ARHGEF16: variants seen among roughly 807,000 people sequenced by gnomAD.
ARHGEF16 encodes Rho guanine exchange factor (GEF) 16.
Under a neutral mutation model 74.1 loss-of-function variants are expected in ARHGEF16, and 59 were observed. The ratio of observed to expected loss-of-function variants is 0.80; its 90% CI spans 0.65 to 0.99. The LOEUF is 0.99. Among genes scored for constraint, ARHGEF16 ranks in the 50% least tolerant of loss-of-function variants. ARHGEF16 has a pLI of 0.00. For missense variants in ARHGEF16, 948 were observed against 986.6 expected, an observed-to-expected ratio of 0.96 and a Z score of 0.52; for synonymous variants, 415 against 412.6, an observed-to-expected ratio of 1.01 and a Z score of -0.07.
chr1:3,473,200 T>C lies in ARHGEF16; in HGVS notation c.1145T>C (p.Val382Ala). 1 of 1,613,134 alleles carries C rather than the reference T, an allele frequency of 6.2e-7. No individual in the cohort carries two copies. Among genetic ancestry groups the C allele is most frequent in the Non-Finnish European group, 8.5e-7 (1 of 1,179,880 alleles). Residue 382 changes from valine to alanine, a missense_variant, in exon 7 of 15, where the codon GTC becomes GCC. Coordinates refer to ENST00000378378, the MANE Select transcript of ARHGEF16 (RefSeq NM_014448.4). ...TACATCGCCTACTGCTCCAACGAGG[T>C]CTACCAACAGCGCACGCTGCAGAAG... ...HPYIAYCSNE[V>A]YQQRTLQKLI... is the part of the protein sequence containing the mutation.
chr1:3,457,157 G>A (rs910858374), intron 1 of ARHGEF16, among the ~76,000 whole-genome samples: 3 of 152,258 alleles, frequency 2.0e-5, no homozygotes, highest in African/African-American at 7.2e-5. Context: ...GCTGATGTGT[G>A]CTGCATGATT....
At chr1:3,469,301 G>C (rs559980141) in intron 5 of ARHGEF16, 132 bp from the exon 6 acceptor site, 1 of 1,045,162 alleles carries the variant, frequency 9.6e-7, no homozygotes, top group East Asian at 2.6e-5. Context: ...GCCCCATCCA[G>C]GGGTGTGTCT....
At position 3,480,510 on chromosome 1, in the gene ARHGEF16, C is replaced by A. The variant is rs74614375; in HGVS notation, c.2053C>A (p.Arg685Ser). ...ETGWFPEDFARFITSRVAVEG... is the reference protein window; with the variant it reads ...ETGWFPEDFASFITSRVAVEG... ...GGGATGGTTCCCCGAGGACTTTGCC[C>A]GCTTCATCACCAGCCGTGTGGCCGT... Residue 685 changes from arginine to serine, a missense_variant, in exon 15 of 15, where the codon CGC (arginine) becomes AGC (serine). Coordinates refer to ENST00000378378, the MANE Select transcript of ARHGEF16 (RefSeq NM_014448.4). 9 of 1,612,532 alleles carry A rather than the reference C, an allele frequency of 5.6e-6. No homozygotes were observed. The highest frequency in any genetic ancestry group is 7.6e-6 in the Non-Finnish European group (9 of 1,179,966).
At chr1:3,464,961 C>T (rs1639501583) in intron 2 of ARHGEF16, among the ~76,000 whole-genome samples, 1 of 152,204 alleles carries the variant, frequency 6.6e-6, no homozygotes. Context: ...AGGTGGGGTC[C>T]CCCATGTCCC....
intron 10 of ARHGEF16, among the ~76,000 whole-genome samples, chr1:3,477,366 T>C: frequency 1.4e-3 from 1 of 706 alleles, no homozygotes; most frequent in Non-Finnish European, 2.5e-3. Flanking sequence ...TTGCCATCCT[T>C]CTGCCCCCCA....
intron 7 of ARHGEF16, 68 bp downstream of exon 7, chr1:3,473,298 C>T (rs1639789215): frequency 1.9e-6 from 3 of 1,585,860 alleles, no homozygotes; most frequent in African/African-American, 2.7e-5. Context: ...TCCCAAAGCA[C>T]ATTCCTGCTC....
At chr1:3,474,201 T>C in intron 8 of ARHGEF16, 1 of 199,110 alleles carries the variant, frequency 5.0e-6, no homozygotes, top group Non-Finnish European at 1.0e-5. Context: ...TGCACACACA[T>C]GCACCCGGTG....
chr1:3,469,385 G>C, intron 5 of ARHGEF16, 48 bp from the exon 6 acceptor site: 1 of 1,602,320 alleles, frequency 6.2e-7, no homozygotes, highest in African/African-American at 1.3e-5. Context: ...ACCGAGGCAC[G>C]CCCGTGTCCA....
intron 1 of ARHGEF16, among the ~76,000 whole-genome samples, chr1:3,462,183 G>T (rs541631743): frequency 4.1e-4 from 63 of 152,254 alleles, no homozygotes; most frequent in African/African-American, 1.5e-3. Context: ...GGGGGTGTAC[G>T]TGGGACTGTG....
intron 6 of ARHGEF16, chr1:3,471,628 C>T (rs1639725467): frequency 8.5e-7 from 1 of 1,177,822 alleles, no homozygotes; most frequent in Non-Finnish European, 1.1e-6. Flanking sequence ...AGCTCTGTGT[C>T]CTCCGGTCCC....
At chr1:3,471,668 C>T in intron 6 of ARHGEF16, 1 of 1,237,786 alleles carries the variant, frequency 8.1e-7, no homozygotes, top group Non-Finnish European at 1.0e-6. Flanking sequence ...ATGTTTGCCT[C>T]TGACCTCCTC....
chr1:3,475,959 A>C lies in ARHGEF16; in HGVS notation c.1381-11A>C. ...AGCACCAGCCTCTCACACGGGAACCATGCCCTGCAGCTGGTGAGGCAGTGC... is the reference window on the plus strand; with the variant it reads ...AGCACCAGCCTCTCACACGGGAACCCTGCCCTGCAGCTGGTGAGGCAGTGC... On this transcript the variant is annotated splice_polypyrimidine_tract_variant and intron_variant, in intron 9 of 14. Coordinates refer to ENST00000378378, the MANE Select transcript of ARHGEF16 (RefSeq NM_014448.4). 6.5e-7 allele frequency: 1 copy of C among 1,549,256 alleles called. No homozygotes were observed.
intron 6 of ARHGEF16, 199 bp from the exon 7 acceptor site, chr1:3,472,879 A>ACCCCCC: frequency 1.9e-5 from 2 of 106,818 alleles, no homozygotes; most frequent in South Asian, 8.2e-5. Flanking sequence ...ACCACTTCCC[A>ACCCCCC]CCCGCCCTCC....
Position 3,469,489 on chromosome 1 carries a change from G to A in ARHGEF16, c.918G>A (p.Leu306=). Residue 306 remains leucine (L), a synonymous_variant, in exon 6 of 15, where the codon CTG becomes CTA. Transcript: ENST00000378378. The part of the protein sequence containing the change: ...EFSYQHSLSI[L]VEEFLQSKEL... The stretch of plus-strand genomic sequence containing the variant: ...CCTACCAGCACAGCCTGAGCATCCT[G>A]GTGGAGGAGTTCCTGCAGTCCAAGG... 1 of 1,613,212 alleles carries A rather than the reference G, an allele frequency of 6.2e-7. No homozygotes were observed. The highest frequency in any genetic ancestry group is 1.1e-5 in the South Asian group (1 of 91,080).
At chr1:3,471,638 C>G in intron 6 of ARHGEF16, 2 of 1,205,622 alleles carry the variant, frequency 1.7e-6, no homozygotes, top group Non-Finnish European at 2.1e-6. Context: ...CCTCCGGTCC[C>G]CTCTGCCTCA....
At chr1:3,462,359 T>G (rs1048244715) in intron 1 of ARHGEF16, among the ~76,000 whole-genome samples, 3 of 152,242 alleles carry the variant, frequency 2.0e-5, no homozygotes, top group South Asian at 2.1e-4. Flanking sequence ...AAAGGTTCCA[T>G]GGACAGTCCG....
rs972436561 is a variant in ARHGEF16 at position 3,466,167 on chromosome 1, G to A, written c.608G>A (p.Arg203His). 25 of 1,547,064 alleles carry A rather than the reference G, an allele frequency of 1.6e-5. No individual in the cohort carries two copies. Among genetic ancestry groups the A allele is most frequent in the East Asian group, 2.5e-5 (1 of 40,634 alleles). ...AKNKKTLGRK[R>H]GHKGSFKDDP... The stretch of plus-strand genomic sequence containing the variant: ...GTGCAGAAGACGCTGGGGAGGAAAC[G>A]TGGGCACAAGGGTTCCTTCAAGGAC... The change falls in exon 3 of 15, where the codon CGT (arginine) becomes CAT (histidine). Residue 203 changes from arginine to histidine, a missense_variant. Transcript: ENST00000378378.
At chr1:3,471,296 T>G (rs1431295935) in intron 6 of ARHGEF16, among the ~76,000 whole-genome samples, 1 of 152,034 alleles carries the variant, frequency 6.6e-6, no homozygotes, top group Non-Finnish European at 1.5e-5. Context: ...TGGGAGATGA[T>G]TAGGGGCCTG....
intron 5 of ARHGEF16, 105 bp from the exon 6 acceptor site, chr1:3,469,328 C>T: frequency 1.5e-5 from 20 of 1,378,312 alleles, no homozygotes; most frequent in Non-Finnish European, 2.0e-5. Flanking sequence ...CCTGTCCCCA[C>T]CTGCCCCTGC....
Sources: allele counts gnomAD v4.1 joint callset (sites outside exome capture counted in the v4.1 genomes callset), GRCh38; gene constraint gnomAD v4.1.1; transcripts MANE v1.5; gene names NCBI Gene and HGNC (gene_info 2026-07-23, HGNC 2026-07-21).